ENPP3: variants seen among roughly 807,000 people sequenced by gnomAD.
ENPP3 encodes the protein ectonucleotide pyrophosphatase/phosphodiesterase family member 3.
Under a neutral mutation model 117.8 loss-of-function variants are expected in ENPP3, and 104 were observed. The ratio of observed to expected loss-of-function variants is 0.88; its 90% CI spans 0.75 to 1.04. The LOEUF (loss-of-function observed/expected upper bound fraction) is 1.04. Ranked by LOEUF, ENPP3 falls within the 50% of genes least tolerant of loss-of-function variation. The probability of loss-of-function intolerance (pLI) is 0.00; values close to 1 mark genes in which losing one functional copy is unlikely to be tolerated. For missense variants in ENPP3, 1,026 were observed against 1,051.9 expected (o/e 0.98, Z 0.34); for synonymous variants, 380 against 349.9 (o/e 1.09, Z -0.96).
intron 15 of ENPP3, among the ~76,000 whole-genome samples, chr6:131,697,413 GT>G (rs1361201296): frequency 2.7e-5 from 3 of 112,326 alleles, no homozygotes; most frequent in Non-Finnish European, 5.1e-5. Flanking sequence ...ATAGAAGACA[GT>G]TTTTCCAGGG....
At chr6:131,674,028 A>G (rs1169716146) in intron 7 of ENPP3, 134 bp from the exon 8 acceptor site, 25 of 571,234 alleles carry the variant, frequency 4.4e-5, no homozygotes, top group Middle Eastern at 4.8e-4. Context: ...ATGTAAGTTC[A>G]GGTCCAGGTG....
chr6:131,681,220 T>A (rs1352684270), intron 11 of ENPP3, among the ~76,000 whole-genome samples: 1 of 152,186 alleles, frequency 6.6e-6, no homozygotes, highest in Non-Finnish European at 1.5e-5. Flanking sequence ...TGGCTTGTGT[T>A]CAAGTCCTGC....
In ENPP3 at chr6:131,745,549, A is replaced by G. The variant is rs116072513; in HGVS notation, c.2458-1237A>G. Among the ~76,000 whole-genome samples the G allele has an allele frequency of 1.7e-3, 266 of 152,338 alleles. 1 individual carries two copies. Among genetic ancestry groups the G allele is most frequent in the Middle Eastern group, 0.01 (3 of 294 alleles). ...AGAAAATTATTCTTTATAATAAAGA[A>G]TAAAGAATGTCATAGAAACCCATGT... On this transcript the variant is annotated intron_variant, in intron 24 of 24. Coordinates refer to ENST00000357639, the MANE Select transcript of ENPP3 (RefSeq NM_005021.5).
At chr6:131,728,865 T>C (rs1359506853) in intron 20 of ENPP3, among the ~76,000 whole-genome samples, 2 of 152,194 alleles carry the variant, frequency 1.3e-5, no homozygotes, top group East Asian at 1.9e-4. Context: ...AGACCATACA[T>C]AGATTTTGCT....
intron 6 of ENPP3, among the ~76,000 whole-genome samples, chr6:131,661,008 T>C (rs1407826295): frequency 3.3e-5 from 5 of 152,250 alleles, no homozygotes; most frequent in Non-Finnish European, 5.9e-5. Flanking sequence ...ACTAGCTTAT[T>C]TCACTTAGTA....
chr6:131,693,982 A>G (rs776970023), intron 15 of ENPP3, among the ~76,000 whole-genome samples: 4 of 152,204 alleles, frequency 2.6e-5, no homozygotes, highest in Non-Finnish European at 5.9e-5. Flanking sequence ...ACAACTCTTT[A>G]AGACCTTTGT....
At chr6:131,722,755 T>C (rs1014543812) in intron 18 of ENPP3, among the ~76,000 whole-genome samples, 2 of 152,218 alleles carry the variant, frequency 1.3e-5, no homozygotes, top group African/African-American at 4.8e-5. Context: ...TGTTCATGCC[T>C]GGTTATTTAG....
chr6:131,663,798 T>G (rs1778558137), intron 6 of ENPP3, among the ~76,000 whole-genome samples: 1 of 152,152 alleles, frequency 6.6e-6, no homozygotes, highest in Non-Finnish European at 1.5e-5. Context: ...AAGACAAACC[T>G]ACTGCACTGC....
rs745722750 is a variant in ENPP3, at chr6:131,641,566, A to G, written c.154+36A>G. On this transcript the variant is annotated intron_variant, in intron 2 of 24. Transcript: ENST00000357639. The stretch of plus-strand genomic sequence containing the variant: ...CAGCCTTTTCTCAGAACATTCCCTT[A>G]TTTCTTCTCTCTTCTGGCCTTAATT... 3.8e-6 allele frequency: 5 copies of G among 1,301,726 alleles called. No individual in the cohort carries two copies. The South Asian group carries it at 6.0e-5, about 16-fold the overall frequency. The allele number at this position is 1,301,726 out of a possible 1,614,324, so 80.6% of individuals were successfully genotyped here.
chr6:131,660,576 A>T (rs1244810488), intron 6 of ENPP3, among the ~76,000 whole-genome samples: 1 of 152,236 alleles, frequency 6.6e-6, no homozygotes, highest in Non-Finnish European at 1.5e-5. Flanking sequence ...CTGTGGATCA[A>T]ATAAGACTAG....
chr6:131,654,347 C>T (rs932382086), intron 5 of ENPP3, among the ~76,000 whole-genome samples: 21 of 151,468 alleles, frequency 1.4e-4, no homozygotes, highest in African/African-American at 5.1e-4. Flanking sequence ...CACTATGTTG[C>T]CCAGACTGGA....
intron 13 of ENPP3, among the ~76,000 whole-genome samples, 176 bp from the exon 14 acceptor site, chr6:131,685,700 T>C (rs1209573068): frequency 2.6e-5 from 4 of 152,210 alleles, no homozygotes; most frequent in Admixed American, 1.3e-4. Flanking sequence ...TTGAAATATA[T>C]CCTACTCAGT....
At chr6:131,734,495 G>A (rs1008437755) in intron 21 of ENPP3, among the ~76,000 whole-genome samples, 4 of 152,078 alleles carry the variant, frequency 2.6e-5, no homozygotes, top group Non-Finnish European at 4.4e-5. Flanking sequence ...AGCAAGTAGC[G>A]TTATCAATTT....
chr6:131,681,519 A>AC (rs1444326528), intron 11 of ENPP3, among the ~76,000 whole-genome samples: 3 of 152,100 alleles, frequency 2.0e-5, no homozygotes, highest in African/African-American at 7.3e-5. Context: ...GAAAAAAAAA[A>AC]ACACAGAAAA....
rs780777387 is a variant in ENPP3, at chr6:131,738,038, G to A, written c.2175G>A (p.Trp725Ter). The A allele has an allele frequency of 2.5e-6, 4 of 1,585,848 alleles. No individual in the cohort carries two copies. The highest frequency in any genetic ancestry group is 1.7e-6 in the Non-Finnish European group (2 of 1,165,670). The change falls in exon 23 of 25, where the codon TGG (tryptophan) becomes TGA (stop). Residue 725 changes from tryptophan (W) to a stop codon, truncating the protein, a stop_gained. Coordinates refer to ENST00000357639, the MANE Select transcript of ENPP3 (RefSeq NM_005021.5). LOFTEE classifies it high-confidence loss of function. ...VPMYEEFRKM[W>*]DYFHSVLLIK... ...TTATGATTTTATTTTTAGAAATGTGGGACTACTTCCACAGTGTTCTTCTTA... is the reference window on the plus strand; with the variant it reads ...TTATGATTTTATTTTTAGAAATGTGAGACTACTTCCACAGTGTTCTTCTTA...
chr6:131,727,372 A>G (rs974299830), intron 20 of ENPP3, among the ~76,000 whole-genome samples: 4 of 152,110 alleles, frequency 2.6e-5, no homozygotes, highest in Non-Finnish European at 5.9e-5. Flanking sequence ...CTTGACCAAC[A>G]TGGTGAAACC....
chr6:131,657,324 T>C (rs917136231), intron 5 of ENPP3, among the ~76,000 whole-genome samples: 6 of 152,206 alleles, frequency 3.9e-5, no homozygotes, highest in Non-Finnish European at 8.8e-5. Context: ...AGATAGCTCA[T>C]GTCCCTTCCC....
At chr6:131,710,933 T>C (rs770629005) in intron 15 of ENPP3, 2 of 1,583,490 alleles carry the variant, frequency 1.3e-6, no homozygotes, top group African/African-American at 3.6e-5. Flanking sequence ...GGTCTCATAC[T>C]CTCAGGTAGT....
chr6:131,683,843 C>A (rs62423390), intron 12 of ENPP3, among the ~76,000 whole-genome samples: 1 of 151,286 alleles, frequency 6.6e-6, no homozygotes, highest in Non-Finnish European at 1.5e-5. Context: ...CTCTGCCTCC[C>A]GAGTTCATGC....
Sources: allele counts gnomAD v4.1 joint callset (sites outside exome capture counted in the v4.1 genomes callset), GRCh38; gene constraint gnomAD v4.1.1; transcripts MANE v1.5; gene names NCBI Gene and HGNC (gene_info 2026-07-23, HGNC 2026-07-21).